ANKRD30B: variants seen among roughly 807,000 people sequenced by gnomAD.
ANKRD30B encodes the protein ankyrin repeat domain 30B, also known as ankyrin repeat domain-containing protein 30B.
In ANKRD30B, 144 loss-of-function variants were observed where a neutral mutation model predicts 202.2. The ratio of observed to expected loss-of-function variants is 0.71; its 90% CI spans 0.62 to 0.82. The LOEUF is 0.82. ANKRD30B is among the 40% of genes least tolerant of loss of function. The pLI is 0.00. For synonymous variants in ANKRD30B, 508 were observed against 561.3 expected, an observed-to-expected ratio of 0.91 and a Z score of 1.34; for missense variants, 1,487 against 1,669.1, an observed-to-expected ratio of 0.89 and a Z score of 1.90.
intron 6 of ANKRD30B, among the ~76,000 whole-genome samples, chr18:14,763,391 CA>C (rs1216397347): frequency 1.3e-5 from 2 of 151,974 alleles, no homozygotes; most frequent in African/African-American, 4.8e-5. Context: ...CTACTAAATA[CA>C]AAAAATTAGC....
the ANKRD30B span, among the ~76,000 whole-genome samples, chr18:14,940,728 C>T: frequency 6.6e-6 from 1 of 152,220 alleles, no homozygotes; most frequent in Admixed American, 6.5e-5. Flanking sequence ...CTTCCCTTTT[C>T]TGTTGTGGGG....
At position 14,764,001 on chromosome 18, in the gene ANKRD30B, C is replaced by A. The variant is rs778030896; in HGVS notation, c.1136C>A (p.Thr379Lys). Residue 379 changes from threonine (T) to lysine (K), a missense_variant, in exon 7 of 44, where the codon ACA (threonine) becomes AAA (lysine). Around this residue, in one of 6 missense-constraint regions of ANKRD30B, gnomAD observed 889 missense variants for 841.4 expected, o/e 1.06. Transcript: ENST00000690538. ...AAGACTGAATGCGTGGCAGGAGTAACACCTAATAAAACTGAAGTTTTGGAA... is the reference window on the plus strand; with the variant it reads ...AAGACTGAATGCGTGGCAGGAGTAAAACCTAATAAAACTGAAGTTTTGGAA... ...SVKTECVAGV[T>K]PNKTEVLEKG... is the part of the protein sequence containing the mutation. 1.6e-5 allele frequency: 25 copies of A among 1,569,562 alleles called. No homozygotes were observed. The South Asian group carries it at 3.0e-4, about 19-fold the overall frequency.
the ANKRD30B span, among the ~76,000 whole-genome samples, chr18:14,896,420 C>T: frequency 1.8e-4 from 28 of 152,156 alleles, no homozygotes; most frequent in African/African-American, 3.9e-4. Context: ...GGTGAGCCAC[C>T]GCGCCCGGCC....
chr18:14,844,608 A>T (rs1484342126), intron 39 of ANKRD30B, among the ~76,000 whole-genome samples: 1 of 152,220 alleles, frequency 6.6e-6, no homozygotes, highest in East Asian at 1.9e-4. Flanking sequence ...CAGTAATGGG[A>T]TCGCTGGATC....
chr18:14,817,608 C>G (rs1970184253), intron 30 of ANKRD30B, among the ~76,000 whole-genome samples: 1 of 152,146 alleles, frequency 6.6e-6, no homozygotes. Context: ...CTATTTTCTT[C>G]ATAAAGGAAA....
intron 33 of ANKRD30B, among the ~76,000 whole-genome samples, chr18:14,829,274 T>C (rs549425592): frequency 1.3e-5 from 2 of 152,334 alleles, no homozygotes; most frequent in Admixed American, 1.3e-4. Flanking sequence ...GAAAAATTGT[T>C]GTTCACATGG....
At chr18:14,927,643 C>T in the ANKRD30B span, among the ~76,000 whole-genome samples, 3 of 152,300 alleles carry the variant, frequency 2.0e-5, no homozygotes, top group South Asian at 6.2e-4. Context: ...GATTTGGTCA[C>T]CTCCTCCTCC....
intron 4 of ANKRD30B, among the ~76,000 whole-genome samples, chr18:14,755,513 A>G (rs1914197560): frequency 6.6e-6 from 1 of 151,906 alleles, no homozygotes; most frequent in Non-Finnish European, 1.5e-5. Context: ...CTCGTCATTT[A>G]GCATTAGGTA....
rs1233552965 is a variant in ANKRD30B at position 14,853,875 on chromosome 18, G to C, written c.4543G>C (p.Val1515Leu). ...TAAACAGTGTGAGGCTTCACTAAAGGTTACATCACATTCTCACTCTCTGAG... is the reference window on the plus strand; with the variant it reads ...TAAACAGTGTGAGGCTTCACTAAAGCTTACATCACATTCTCACTCTCTGAG... ...LNKQCEASLK[V>L]TSHSHSLRHQ The change falls in exon 43 of 44, where the codon GTT becomes CTT. Residue 1515 changes from valine to leucine, a missense_variant. By Grantham distance (32) the Val-to-Leu change is conservative (BLOSUM62 1). Around this residue, in one of 6 missense-constraint regions of ANKRD30B, gnomAD observed 182 missense variants for 216.0 expected, o/e 0.84. Coordinates refer to ENST00000690538, the MANE Select transcript of ANKRD30B (RefSeq NM_001367607.2). Among the ~76,000 whole-genome samples, 1 of 152,070 alleles carries C rather than the reference G, an allele frequency of 6.6e-6. No individual in the cohort carries two copies. The highest frequency in any genetic ancestry group is 2.4e-5 in the African/African-American group (1 of 41,408).
chr18:14,798,593 C>G (rs116297394), intron 20 of ANKRD30B, among the ~76,000 whole-genome samples: 31 of 152,028 alleles, frequency 2.0e-4, no homozygotes, highest in Non-Finnish European at 4.3e-4. Flanking sequence ...CTAGAAGAGC[C>G]GTGGCAAGAT....
At chr18:14,849,479 T>G (rs1192501929) in intron 40 of ANKRD30B, among the ~76,000 whole-genome samples, 1 of 151,776 alleles carries the variant, frequency 6.6e-6, no homozygotes, top group South Asian at 2.1e-4. Context: ...GCATGGAATA[T>G]AAAGAAAATA....
chr18:14,839,598 A>G (rs1370736251), intron 36 of ANKRD30B, among the ~76,000 whole-genome samples: 1 of 152,192 alleles, frequency 6.6e-6, no homozygotes, highest in African/African-American at 2.4e-5. Context: ...CTTTATATGA[A>G]GGCTTGCTCT....
the ANKRD30B span, among the ~76,000 whole-genome samples, chr18:14,867,821 C>T: frequency 3.9e-5 from 6 of 152,230 alleles, no homozygotes; most frequent in East Asian, 7.7e-4. Context: ...TGAGAGCCTT[C>T]GCCAAAACTG....
chr18:14,899,996 T>C, the ANKRD30B span, among the ~76,000 whole-genome samples: 3 of 152,176 alleles, frequency 2.0e-5, no homozygotes, highest in Non-Finnish European at 4.4e-5. Flanking sequence ...ATTCCAGGCA[T>C]TCATATTTGA....
chr18:14,824,436 C>T (rs547872696), intron 32 of ANKRD30B, among the ~76,000 whole-genome samples: 1 of 152,204 alleles, frequency 6.6e-6, no homozygotes, highest in African/African-American at 2.4e-5. Flanking sequence ...TCACTACCCC[C>T]TCTGCCTCCT....
the ANKRD30B span, among the ~76,000 whole-genome samples, chr18:14,920,568 G>A: frequency 6.6e-6 from 1 of 152,194 alleles, no homozygotes; most frequent in Non-Finnish European, 1.5e-5. Context: ...AGAAAAAAAT[G>A]AGTGACAGCA....
the ANKRD30B span, among the ~76,000 whole-genome samples, chr18:14,930,837 T>C: frequency 5.4e-3 from 825 of 152,332 alleles, 7 homozygotes; most frequent in African/African-American, 0.019. Context: ...GAATAGCATT[T>C]GCCTTGAATG....
chr18:14,795,018 C>T (rs1399556255), intron 16 of ANKRD30B, among the ~76,000 whole-genome samples: 1 of 152,178 alleles, frequency 6.6e-6, no homozygotes, highest in African/African-American at 2.4e-5. Context: ...AGTGGCTTAA[C>T]AACTCACATG....
the ANKRD30B span, among the ~76,000 whole-genome samples, chr18:14,925,949 T>C: frequency 4.4e-3 from 666 of 152,288 alleles, 2 homozygotes; most frequent in Non-Finnish European, 6.6e-3. Flanking sequence ...ACCTGTCCTG[T>C]GCTCACAAAA....
Sources: gnomAD v4.1 joint callset for allele counts (sites outside exome capture counted in the v4.1 genomes callset) on GRCh38, gnomAD v4.1.1 for gene constraint, gnomAD v4.1.1 regional missense constraint, MANE v1.5 for transcripts, NCBI Gene and HGNC (gene_info 2026-07-23, HGNC 2026-07-21) for gene names.